Variants in PDE1C observed in about 807,000 individuals in gnomAD.
The protein encoded by PDE1C is dual specificity calcium/calmodulin-dependent 3',5'-cyclic nucleotide phosphodiesterase 1C.
A neutral mutation model predicts 93.1 loss-of-function variants in PDE1C; 62 were observed. The ratio of observed to expected loss-of-function variants is 0.67; its 90% CI spans 0.54 to 0.82. The LOEUF (loss-of-function observed/expected upper bound fraction) is 0.82, where lower values mean the gene tolerates loss of function less well. PDE1C is among the 40% of genes least tolerant of loss of function. PDE1C has a pLI of 0.00. For synonymous variants in PDE1C, 325 were observed against 310.1 expected (o/e 1.05, Z -0.50); for missense variants, 742 against 884.6 (o/e 0.84, Z 2.04).
At chr7:32,124,692 ACCCCTT>A (rs1194031876) in intron 3 of PDE1C, among the ~76,000 whole-genome samples, 1 of 152,152 alleles carries the variant, frequency 6.6e-6, no homozygotes, top group Non-Finnish European at 1.5e-5. Context: ...CTGAAACTGG[ACCCCTT>A]CCTTACACCG....
intron 1 of PDE1C, among the ~76,000 whole-genome samples, chr7:32,387,696 C>T (rs1445063087): frequency 1.4e-5 from 2 of 147,956 alleles, no homozygotes; most frequent in Non-Finnish European, 3.0e-5. Flanking sequence ...CCCCCACCTC[C>T]CTCCCGGACG....
At position 31,986,929 on chromosome 7, in the gene PDE1C, AACACAC is replaced by A. The variant is rs10551724; in HGVS notation, c.128+64619_128+64624del. On this transcript the variant is annotated intron_variant, in intron 2 of 17. Coordinates refer to ENST00000396191, the MANE Select transcript of PDE1C (RefSeq NM_001191057.4). ...ACTTATAGAGTTTTCATTGAACACG[AACACAC>A]ACACACACACACACACACACATACA... 5.1e-3 allele frequency among the ~76,000 whole-genome samples: 764 copies of A among 149,886 alleles called. 5 individuals are homozygous for A. Among genetic ancestry groups the A allele is most frequent in the African/African-American group, 0.017 (711 of 40,838 alleles).
the PDE1C span, chr7:31,643,365 C>T: frequency 6.2e-7 from 1 of 1,613,996 alleles, no homozygotes; most frequent in Non-Finnish European, 8.5e-7. Flanking sequence ...AGCTCATTCC[C>T]CACCTCCATA....
chr7:32,069,377 T>C (rs1280780473), intron 1 of PDE1C, among the ~76,000 whole-genome samples: 2 of 152,110 alleles, frequency 1.3e-5, no homozygotes, highest in African/African-American at 4.8e-5. Context: ...AGAATATGCT[T>C]GGAGAAAAGC....
chr7:31,977,117 A>C (rs1433442019), intron 2 of PDE1C, among the ~76,000 whole-genome samples: 1 of 152,282 alleles, frequency 6.6e-6, no homozygotes, highest in African/African-American at 2.4e-5. Flanking sequence ...TGTCTCACAA[A>C]CTTCATATGT....
In PDE1C at chr7:32,117,229, A is replaced by G. The variant is rs1046835395; in HGVS notation, c.308+52556T>C. Among the ~76,000 whole-genome samples, 9 of 152,298 alleles carry G rather than the reference A, an allele frequency of 5.9e-5. No individual in the cohort carries two copies. The South Asian group carries it at 6.2e-4, about 11-fold the overall frequency. On this transcript the variant is annotated intron_variant, in intron 3 of 18. Coordinates refer to the PDE1C transcript ENST00000396193. The stretch of plus-strand genomic sequence containing the variant: ...TCAAAAGGAAAATATGAAGAATCTC[A>G]AGCAGTTTGTCTAGATAGGCTTTCA...
chr7:31,816,171 T>C lies in PDE1C; in HGVS notation c.1583-17A>G. 6.2e-7 allele frequency: 1 copy of C among 1,608,696 alleles called. No homozygotes were observed. The highest frequency in any genetic ancestry group is 8.5e-7 in the Non-Finnish European group (1 of 1,177,402). Reference sequence around the variant, plus strand: ...CCTTCTCCTCTGCATCCATGGCAAGTTGGGAAAGCCACAGAAAAGAGAAAA... The same window carrying C: ...CCTTCTCCTCTGCATCCATGGCAAGCTGGGAAAGCCACAGAAAAGAGAAAA... On this transcript the variant is annotated splice_polypyrimidine_tract_variant and intron_variant, in intron 14 of 17. Transcript: ENST00000396191.
At chr7:31,693,363 T>G in the PDE1C span, among the ~76,000 whole-genome samples, 1 of 152,186 alleles carries the variant, frequency 6.6e-6, no homozygotes, top group African/African-American at 2.4e-5. Flanking sequence ...CACATGACTA[T>G]GGCATGTAAA....
chr7:32,175,529 C>T (rs1410501578), intron 2 of PDE1C, among the ~76,000 whole-genome samples: 1 of 152,124 alleles, frequency 6.6e-6, no homozygotes, highest in Non-Finnish European at 1.5e-5. Flanking sequence ...GGTGGTGTTG[C>T]TAAAGGTTGG....
intron 2 of PDE1C, among the ~76,000 whole-genome samples, chr7:31,975,439 T>A (rs906867409): frequency 1.2e-4 from 18 of 151,914 alleles, no homozygotes; most frequent in Non-Finnish European, 2.4e-4. Flanking sequence ...TAAGCAAGAG[T>A]GTATTGAGAC....
At position 31,973,331 on chromosome 7, in the gene PDE1C, A is replaced by C. The variant is rs1302946467; in HGVS notation, c.128+78223T>G. Among the ~76,000 whole-genome samples, 3 of 152,178 alleles carry C rather than the reference A, an allele frequency of 2.0e-5. No individual in the cohort carries two copies. In the East Asian group the frequency reaches 5.8e-4, roughly 29 times the overall value. ...CTAAAAACTTCCCATATTTGCTAAA[A>C]AACAAACCTGCAGATTTAAGAAGCT... On this transcript the variant is annotated intron_variant, in intron 2 of 17. Transcript: ENST00000396191.
At chr7:31,712,863 A>C in the PDE1C span, among the ~76,000 whole-genome samples, 7 of 152,162 alleles carry the variant, frequency 4.6e-5, no homozygotes, top group Non-Finnish European at 7.3e-5. Flanking sequence ...CATGAGACTT[A>C]TTCACTATCA....
intron 3 of PDE1C, among the ~76,000 whole-genome samples, chr7:32,141,010 T>G (rs1800491687): frequency 6.6e-6 from 1 of 152,244 alleles, no homozygotes; most frequent in Non-Finnish European, 1.5e-5. Flanking sequence ...GGAAATAGCT[T>G]TAAGGCCAAA....
chr7:32,307,822 T>C (rs1813051080), intron 1 of PDE1C, among the ~76,000 whole-genome samples: 1 of 152,188 alleles, frequency 6.6e-6, no homozygotes, highest in Non-Finnish European at 1.5e-5. Context: ...AGACGGGTGA[T>C]TTCTGCATTC....
chr7:32,238,178 C>G (rs35411138), intron 1 of PDE1C, among the ~76,000 whole-genome samples: 2 of 152,106 alleles, frequency 1.3e-5, no homozygotes, highest in African/African-American at 4.8e-5. Flanking sequence ...TAACAAAAAT[C>G]TATATTGTGT....
chr7:32,367,856 T>C (rs777274386), intron 1 of PDE1C, among the ~76,000 whole-genome samples: 2 of 151,976 alleles, frequency 1.3e-5, no homozygotes, highest in Non-Finnish European at 2.9e-5. Context: ...GGTAGAAGGA[T>C]TGCTTGAGCC....
chr7:31,694,793 C>T, the PDE1C span, among the ~76,000 whole-genome samples: 6 of 152,072 alleles, frequency 3.9e-5, no homozygotes, highest in Non-Finnish European at 7.4e-5. Context: ...TTACCCGTAA[C>T]GACTTCTGAT....
intron 3 of PDE1C, among the ~76,000 whole-genome samples, chr7:32,102,285 T>C (rs1304382800): frequency 6.6e-6 from 1 of 152,154 alleles, no homozygotes; most frequent in Non-Finnish European, 1.5e-5. Context: ...AGAGCATGGT[T>C]TCTTTGAGGT....
exon 1 of PDE1C, chr7:32,299,107 C>A: frequency 9.5e-7 from 1 of 1,051,744 alleles, no homozygotes. Context: ...GCCGCGGATC[C>A]CGCGCGCCAC....
Sources: allele counts gnomAD v4.1 joint callset (sites outside exome capture counted in the v4.1 genomes callset), GRCh38; gene constraint gnomAD v4.1.1; transcripts MANE v1.5; gene names NCBI Gene and HGNC (gene_info 2026-07-23, HGNC 2026-07-21).